Variants in DDX10 observed in about 807,000 individuals in gnomAD.
DDX10 encodes the protein probable ATP-dependent RNA helicase DDX10.
DDX10 carries 74 observed loss-of-function variants against 104.3 expected under a neutral mutation model. That is an observed-to-expected ratio of 0.71 (90% CI 0.59 to 0.86). DDX10 has a LOEUF of 0.86. Ranked by LOEUF, DDX10 falls within the 40% of genes least tolerant of loss-of-function variation. The probability of loss-of-function intolerance (pLI) is 0.00; values close to 1 mark genes in which losing one functional copy is unlikely to be tolerated. For missense variants in DDX10, 952 were observed against 1,040.0 expected (o/e 0.92, Z 1.16); for synonymous variants, 351 against 353.4 (o/e 0.99, Z 0.08).
At chr11:108,672,062 G>GA (rs55845865) in intron 1 of DDX10, among the ~76,000 whole-genome samples, 1,707 of 67,944 alleles carry the variant, frequency 0.025, 26 homozygotes, top group African/African-American at 0.057. Flanking sequence ...CTCCATCTCG[G>GA]AAAAAAAAAA....
chr11:108,826,398 A>C (rs1172501501), intron 13 of DDX10, among the ~76,000 whole-genome samples: 2 of 152,186 alleles, frequency 1.3e-5, no homozygotes, highest in Non-Finnish European at 2.9e-5. Context: ...TTATACTAAC[A>C]TTCACAAAAG....
intron 16 of DDX10, among the ~76,000 whole-genome samples, chr11:108,915,730 T>C (rs1192568772): frequency 6.6e-6 from 1 of 152,154 alleles, no homozygotes; most frequent in East Asian, 1.9e-4. Flanking sequence ...TTTAAGAAGC[T>C]ATTACACATC....
intron 12 of DDX10, 101 bp from the exon 13 acceptor site, chr11:108,722,893 TAAA>T (rs1565258518): frequency 6.9e-7 from 1 of 1,443,194 alleles, no homozygotes; most frequent in Non-Finnish European, 9.1e-7. Flanking sequence ...ACATTTTCTT[TAAA>T]AAAGCTCTAG....
chr11:108,720,601 C>G (rs4753846), intron 12 of DDX10, among the ~76,000 whole-genome samples: 18,763 of 151,634 alleles, frequency 0.12, 1,546 homozygotes, highest in East Asian at 0.27. Flanking sequence ...GGATTTTTTG[C>G]GGGGGAGGAG....
intron 13 of DDX10, among the ~76,000 whole-genome samples, chr11:108,741,152 C>T (rs2094324733): frequency 6.6e-6 from 1 of 152,102 alleles, no homozygotes; most frequent in Non-Finnish European, 1.5e-5. Flanking sequence ...TATTCTGTTC[C>T]ATGAGCCTAT....
rs578071176 is a variant in DDX10, at chr11:108,873,254, T to A, written c.2304+21045T>A. Among the ~76,000 whole-genome samples, 182 of 152,266 alleles carry A rather than the reference T, an allele frequency of 1.2e-3. 2 individuals are homozygous for A. The highest frequency in any genetic ancestry group is 2.3e-3 in the Non-Finnish European group (159 of 68,014). On this transcript the variant is annotated intron_variant, in intron 16 of 17. Coordinates refer to ENST00000322536, the MANE Select transcript of DDX10 (RefSeq NM_004398.4). ...GGTGGGTAGACAAGGATGTCTTAAT[T>A]GTCTGAAGGTCAAGTTTGAGAAAAA...
intron 17 of DDX10, among the ~76,000 whole-genome samples, chr11:108,928,836 C>A (rs1393826627): frequency 6.6e-6 from 1 of 152,132 alleles, no homozygotes; most frequent in Non-Finnish European, 1.5e-5. Context: ...TGAGTATATA[C>A]ATTGATAGGA....
chr11:108,734,497 T>C (rs1000312365), intron 13 of DDX10, among the ~76,000 whole-genome samples: 2 of 152,160 alleles, frequency 1.3e-5, no homozygotes, highest in African/African-American at 4.8e-5. Context: ...TTGAGTTTGG[T>C]ATGCAGATGA....
rs777304689 is a variant in DDX10 at position 108,716,107 on chromosome 11, T to A, written c.1410+141T>A. The A allele has an allele frequency of 4.4e-5, 28 of 629,518 alleles. 1 individual carries two copies. The highest frequency in any genetic ancestry group is 7.2e-5 in the Non-Finnish European group (25 of 346,810). The allele number at this position is 629,518 out of a possible 1,614,324, so 39.0% of individuals were successfully genotyped here. On this transcript the variant is annotated intron_variant, in intron 11 of 17. Transcript: ENST00000322536. ...CTGACAGATAAGTCTAGCTTATTTT[T>A]TTTTTTGAGATGGAGTCTCACTCTG...
rs1157378129 is a variant in DDX10, at chr11:108,665,120, G to T, written c.-34G>T. The T allele has an allele frequency of 1.3e-6, 2 of 1,583,694 alleles. No homozygotes were observed. The highest frequency in any genetic ancestry group is 1.2e-5 in the South Asian group (1 of 86,072). On this transcript the variant is annotated 5_prime_UTR_variant, in exon 1 of 18. Transcript: ENST00000322536. The stretch of plus-strand genomic sequence containing the variant: ...GTCTGGCCTTAGGTGTCTCGTGTCT[G>T]GGGTTGATCCGAGCTGTCGCCGCCG...
intron 16 of DDX10, among the ~76,000 whole-genome samples, chr11:108,862,349 G>A (rs1430125418): frequency 1.3e-5 from 2 of 152,052 alleles, no homozygotes; most frequent in South Asian, 2.1e-4. Context: ...AAAATGATGC[G>A]GGTAGACGAG....
intron 13 of DDX10, among the ~76,000 whole-genome samples, chr11:108,747,919 A>G (rs1259614356): frequency 1.3e-5 from 2 of 152,152 alleles, no homozygotes; most frequent in Non-Finnish European, 2.9e-5. Flanking sequence ...TATGTCAGAT[A>G]GAGACAGACA....
At chr11:108,846,395 T>A (rs551647242) in intron 15 of DDX10, among the ~76,000 whole-genome samples, 1 of 152,306 alleles carries the variant, frequency 6.6e-6, no homozygotes, top group East Asian at 1.9e-4. Flanking sequence ...TTATACACTA[T>A]AACCAACATC....
chr11:108,836,742 G>C (rs979807150), intron 13 of DDX10, among the ~76,000 whole-genome samples: 2 of 152,190 alleles, frequency 1.3e-5, no homozygotes, highest in Non-Finnish European at 2.9e-5. Context: ...ATCTGCCTCT[G>C]CCTGCCAAAG....
chr11:108,719,492 T>A (rs1474657932), intron 11 of DDX10, among the ~76,000 whole-genome samples: 1 of 152,174 alleles, frequency 6.6e-6, no homozygotes, highest in Non-Finnish European at 1.5e-5. Context: ...ATCTATATTA[T>A]TCCAAAGCCT....
chr11:108,815,710 A>G (rs1313724638), intron 13 of DDX10, among the ~76,000 whole-genome samples: 2 of 152,204 alleles, frequency 1.3e-5, no homozygotes, highest in African/African-American at 4.8e-5. Flanking sequence ...ACACAGTGAT[A>G]AGAATTCTTT....
intron 1 of DDX10, among the ~76,000 whole-genome samples, chr11:108,671,153 TA>T (rs2094216485): frequency 6.6e-6 from 1 of 152,062 alleles, no homozygotes; most frequent in African/African-American, 2.4e-5. Flanking sequence ...AAGAAAGGGA[TA>T]AAGGGAAGGA....
chr11:108,785,423 C>A (rs1218791374), intron 13 of DDX10, among the ~76,000 whole-genome samples: 1 of 152,112 alleles, frequency 6.6e-6, no homozygotes, highest in African/African-American at 2.4e-5. Context: ...TGTTGTATGT[C>A]TGCTAGATTT....
At chr11:108,830,855 AT>A (rs1862459947) in intron 13 of DDX10, among the ~76,000 whole-genome samples, 1 of 152,210 alleles carries the variant, frequency 6.6e-6, no homozygotes. Context: ...TTACAAAAAG[AT>A]TTTGTAGATG....
Sources: gnomAD v4.1 joint callset for allele counts (sites outside exome capture counted in the v4.1 genomes callset) on GRCh38, gnomAD v4.1.1 for gene constraint, MANE v1.5 for transcripts, NCBI Gene and HGNC (gene_info 2026-07-23, HGNC 2026-07-21) for gene names.